The following NCOR2 variants were observed in gnomAD, a reference collection of about 807,000 sequenced individuals.
NCOR2 encodes nuclear receptor corepressor 2.
In NCOR2, 81 loss-of-function variants were observed where a neutral mutation model predicts 262.9. The observed-to-expected ratio is 0.31, with a 90% CI of 0.26 to 0.37. The LOEUF (loss-of-function observed/expected upper bound fraction) is 0.37. Ranked by LOEUF, NCOR2 falls within the 10% of genes least tolerant of loss-of-function variation. The pLI is 1.00. For synonymous variants in NCOR2, 1,659 were observed against 1,559.3 expected, an observed-to-expected ratio of 1.06 and a Z score of -1.51; for missense variants, 3,385 against 3,621.4, an observed-to-expected ratio of 0.93 and a Z score of 1.68.
At chr12:124,466,215 C>T (rs755095650) in exon 5 of NCOR2, 104 of 1,610,662 alleles carry the variant, frequency 6.5e-5, no homozygotes, top group South Asian at 8.8e-5. Flanking sequence ...TGCGGTGCTT[C>T]GACTCGATGG....
At chr12:124,434,416 C>A (rs2044208999) in intron 8 of NCOR2, among the ~76,000 whole-genome samples, 1 of 152,180 alleles carries the variant, frequency 6.6e-6, no homozygotes, top group Admixed American at 6.5e-5. Flanking sequence ...GGCCACAAAG[C>A]CACACCGGAC....
chr12:124,546,098 T>C (rs1004376844), intron 1 of NCOR2, among the ~76,000 whole-genome samples: 3 of 152,192 alleles, frequency 2.0e-5, no homozygotes, highest in Non-Finnish European at 2.9e-5. Flanking sequence ...GATCTCAGGA[T>C]AGGGTCTGAG....
intron 20 of NCOR2, among the ~76,000 whole-genome samples, chr12:124,365,536 G>A (rs998398067): frequency 3.9e-5 from 6 of 152,284 alleles, no homozygotes; most frequent in South Asian, 2.1e-4. Flanking sequence ...GCATGTGACC[G>A]GCCTGTTCTG....
chr12:124,411,291 G>A (rs917290542), intron 13 of NCOR2, among the ~76,000 whole-genome samples: 1 of 151,244 alleles, frequency 6.6e-6, no homozygotes, highest in African/African-American at 2.4e-5. Flanking sequence ...GAGAGAGAGA[G>A]AGAAACCTAG....
chr12:124,331,031 C>T, intron 43 of NCOR2, 133 bp from the exon 46 acceptor site: 1 of 829,492 alleles, frequency 1.2e-6, no homozygotes, highest in South Asian at 1.6e-5. Context: ...TCTCATGCAG[C>T]AGGCCTGGGA....
intron 6 of NCOR2, 122 bp from the exon 9 acceptor site, chr12:124,449,989 A>G (rs1434008019): frequency 2.0e-6 from 2 of 976,742 alleles, no homozygotes; most frequent in East Asian, 5.2e-5. Context: ...GCTCAGCCGC[A>G]GGCAGGCATG....
At chr12:124,527,430 T>A (rs897169895) in intron 1 of NCOR2, among the ~76,000 whole-genome samples, 1 of 152,142 alleles carries the variant, frequency 6.6e-6, no homozygotes. Context: ...ATTTATTTTT[T>A]TTTTTGAGGT....
rs193283639 is a variant in NCOR2 at position 124,517,701 on chromosome 12, C to T, written c.-118+17864G>A. On this transcript the variant is annotated intron_variant, in intron 1 of 46. Coordinates refer to the NCOR2 transcript ENST00000404621. The surrounding 1 kb of genome is among the most constrained non-coding windows in gnomAD (Gnocchi z 7.6). ...TCGCCATGCTCCCCCCCAGGGACGCCGGATGTGCACCAAGGAGAGGAGCAC... is the reference window on the plus strand; with the variant it reads ...TCGCCATGCTCCCCCCCAGGGACGCTGGATGTGCACCAAGGAGAGGAGCAC... 6.6e-5 allele frequency among the ~76,000 whole-genome samples: 10 copies of T among 152,328 alleles called. No homozygotes were observed. Among genetic ancestry groups the T allele is most frequent in the Non-Finnish European group, 1.2e-4 (8 of 68,022 alleles).
chr12:124,559,512 C>T (rs1435800957), intron 1 of NCOR2, among the ~76,000 whole-genome samples: 5 of 152,214 alleles, frequency 3.3e-5, no homozygotes, highest in Admixed American at 3.3e-4. Context: ...AGACACTCCA[C>T]AGGGCCAGCC....
In NCOR2 at chr12:124,482,673, G is replaced by C. The variant is rs1054118904; in HGVS notation, c.411+923C>G. Among the ~76,000 whole-genome samples the C allele has an allele frequency of 4.6e-5, 7 of 152,190 alleles. No individual in the cohort carries two copies. The highest frequency in any genetic ancestry group is 2.1e-4 in the South Asian group (1 of 4,832). The stretch of plus-strand genomic sequence containing the variant: ...GGTGGAAATCGCACCTGGGTCACCT[G>C]AGGGCAGATGGACGGAGGGCCCTGG... On this transcript the variant is annotated intron_variant, in intron 3 of 46. Coordinates refer to ENST00000405201, the Ensembl canonical transcript of NCOR2. This position sits in a 1 kb window ranked among gnomAD's most constrained non-coding sequence, Gnocchi z 6.3.
At chr12:124,439,082 A>AGAGAG (rs1565945247) in intron 7 of NCOR2, among the ~76,000 whole-genome samples, 1 of 12,592 alleles carries the variant, frequency 7.9e-5, no homozygotes, top group Non-Finnish European at 1.7e-4. Context: ...CAGAGAGAGA[A>AGAGAG]ACAGAGACCC....
At chr12:124,377,868 C>A (rs551876983) in intron 18 of NCOR2, among the ~76,000 whole-genome samples, 15 of 151,880 alleles carry the variant, frequency 9.9e-5, no homozygotes, top group African/African-American at 3.6e-4. Flanking sequence ...AAAACTTTTC[C>A]AAAGTAAATT....
At chr12:124,477,745 T>C (rs911445620) in intron 3 of NCOR2, among the ~76,000 whole-genome samples, 51 of 152,236 alleles carry the variant, frequency 3.4e-4, no homozygotes, top group Non-Finnish European at 8.8e-5. Flanking sequence ...GGTGCACTCC[T>C]GATGACTGTC....
rs1566005293 is a variant in NCOR2 at position 124,503,719 on chromosome 12, A to ATGGATTG, written c.-117-8352_-117-8351insCAATCCA. 1.6e-5 allele frequency among the ~76,000 whole-genome samples: 2 copies of ATGGATTG among 126,652 alleles called. No individual in the cohort carries two copies. The highest frequency in any genetic ancestry group is 6.5e-5 in the African/African-American group (2 of 30,536). The allele number at this position is 126,652 out of a possible 152,430, so 83.1% of individuals were successfully genotyped here. A position where few individuals can be genotyped will look rare whatever the true frequency, so the allele number is the denominator to read the frequency against. On this transcript the variant is annotated intron_variant, in intron 1 of 46. Transcript: ENST00000404621. The surrounding 1 kb of genome is among the most constrained non-coding windows in gnomAD (Gnocchi z 4.3). ...GGATGGATGGATGGATGGACAGACG[A>ATGGATTG]ATGGATGGATGGATGGACGGATGGA...
intron 21 of NCOR2, 48 bp from the exon 24 acceptor site, chr12:124,362,345 T>C: frequency 7.6e-7 from 1 of 1,318,646 alleles, no homozygotes; most frequent in Non-Finnish European, 9.7e-7. Context: ...TGTCTGAAAG[T>C]GACAGGGTCA....
intron 1 of NCOR2, among the ~76,000 whole-genome samples, chr12:124,516,290 C>G (rs2049773563): frequency 6.6e-6 from 1 of 152,198 alleles, no homozygotes; most frequent in African/African-American, 2.4e-5. Flanking sequence ...CGCCAGTCCC[C>G]AGGCCACACC....
rs1023337581 is a variant in NCOR2 at position 124,454,529 on chromosome 12, G to A, written c.762+2577C>T. Among the ~76,000 whole-genome samples the A allele has an allele frequency of 1.3e-5, 2 of 151,978 alleles. No individual in the cohort carries two copies. Among genetic ancestry groups the A allele is most frequent in the South Asian group, 2.1e-4 (1 of 4,814 alleles). ...AGGGGCTTCCTCGCCTGTGTTCCTC[G>A]GGCCCTAAGACACAGGCCCTTTCCC... On this transcript the variant is annotated intron_variant, in intron 6 of 46. Coordinates refer to ENST00000405201, the Ensembl canonical transcript of NCOR2. This position sits in a 1 kb window ranked among gnomAD's most constrained non-coding sequence, Gnocchi z 5.6.
At chr12:124,420,160 C>T (rs1299094583) in intron 12 of NCOR2, 105 bp from the exon 15 acceptor site, 5 of 906,478 alleles carry the variant, frequency 5.5e-6, no homozygotes, top group Non-Finnish European at 7.0e-6. Context: ...TTCCACGTAC[C>T]GGCTGGGTGA....
At chr12:124,438,556 G>A (rs545422479) in intron 7 of NCOR2, among the ~76,000 whole-genome samples, 22 of 149,268 alleles carry the variant, frequency 1.5e-4, no homozygotes, top group African/African-American at 4.8e-4. Context: ...GGAAACCCCC[G>A]GGCGGGGGCG....
Sources: gnomAD v4.1 joint callset for allele counts (sites outside exome capture counted in the v4.1 genomes callset) on GRCh38, gnomAD v4.1.1 for gene constraint, Gnocchi (gnomAD v3.1) non-coding constraint, MANE v1.5 for transcripts, NCBI Gene and HGNC (gene_info 2026-07-23, HGNC 2026-07-21) for gene names.